Variants in TNXB observed in about 807,000 individuals in gnomAD.
TNXB encodes the protein tenascin XB.
TNXB carries 183 observed loss-of-function variants against 340.5 expected under a neutral mutation model. That is an observed-to-expected ratio of 0.54 (90% CI 0.48 to 0.61). TNXB has a LOEUF of 0.61. Among genes scored for constraint, TNXB ranks in the 20% least tolerant of loss-of-function variants. The pLI, the probability that TNXB is intolerant of heterozygous loss-of-function variation, is 0.00. For synonymous variants in TNXB, 2,121 were observed against 2,314.5 expected (o/e 0.92, Z 2.40); for missense variants, 4,613 against 5,446.4 (o/e 0.85, Z 4.82).
chr6:32,072,130 T>G lies in TNXB; in HGVS notation c.4850A>C (p.Gln1617Pro). The G allele has an allele frequency of 1.2e-6, 2 of 1,613,280 alleles. No homozygotes were observed. The highest frequency in any genetic ancestry group is 8.5e-7 in the Non-Finnish European group (1 of 1,179,590). Residue 1617 changes from glutamine (Q) to proline (P), a missense_variant, in exon 13 of 44, where the codon CAG (glutamine) becomes CCG (proline). Transcript: ENST00000644971. This position sits in a 1 kb window ranked among gnomAD's most constrained non-coding sequence, Gnocchi z 4.4. The part of the protein sequence containing the change: ...FVVQYKDRDG[Q>P]PQVVPVAADQ... Reference sequence around the variant, plus strand: ...TGCAGCCACGGGCACCACCTGGGGCTGCCCGTCCCTGTCCTTGTACTGAAC... The same window carrying G: ...TGCAGCCACGGGCACCACCTGGGGCGGCCCGTCCCTGTCCTTGTACTGAAC...
rs1264437335 is a variant in TNXB, at chr6:32,075,879, C to T, written c.4376-1927G>A. ...GCTGGATGGGTGGGGCTCCCAAGAACTTGTTTCTCTGGCTTCCTCCGGAGG... is the reference window on the plus strand; with the variant it reads ...GCTGGATGGGTGGGGCTCCCAAGAATTTGTTTCTCTGGCTTCCTCCGGAGG... On this transcript the variant is annotated intron_variant, in intron 11 of 43. Transcript: ENST00000644971. The surrounding 1 kb of genome is among the most constrained non-coding windows in gnomAD (Gnocchi z 4.6). Among the ~76,000 whole-genome samples, 1 of 152,196 alleles carries T rather than the reference C, an allele frequency of 6.6e-6. No individual in the cohort carries two copies. The highest frequency in any genetic ancestry group is 1.5e-5 in the Non-Finnish European group (1 of 68,030).
In TNXB at chr6:32,051,458, A is replaced by C. The variant is rs74290528; in HGVS notation, c.9116-1137T>G. 0.013 allele frequency among the ~76,000 whole-genome samples: 2,004 copies of C among 152,350 alleles called. 136 individuals are homozygous for C. The East Asian group carries it at 0.21, about 16-fold the overall frequency. On this transcript the variant is annotated intron_variant, in intron 26 of 43. Transcript: ENST00000644971. The surrounding 1 kb of genome is among the most constrained non-coding windows in gnomAD (Gnocchi z 4.7). ...CTGTTACTGGGAGGAGCTTTGCTAC[A>C]AAGGTGTTCTGTGATTTGCACACAA...
intron 6 of TNXB, among the ~76,000 whole-genome samples, chr6:32,088,067 C>A (rs1462455100): frequency 6.6e-6 from 1 of 152,206 alleles, no homozygotes; most frequent in Non-Finnish European, 1.5e-5. Context: ...CAGCCCCTCC[C>A]TCGATCCCTC....
In TNXB at chr6:32,067,113, GAGAA is replaced by G. The variant is rs1554321172; in HGVS notation, c.6544+544_6544+547del. ...GAAAAGAATGAAAGAAAGAAAGAAA[GAGAA>G]AGAAAGAAAGGAAGGAAGAAAGAAA... On this transcript the variant is annotated intron_variant, in intron 18 of 43. Coordinates refer to ENST00000644971, the MANE Select transcript of TNXB (RefSeq NM_001365276.2). The surrounding 1 kb of genome is among the most constrained non-coding windows in gnomAD (Gnocchi z 4.2). Among the ~76,000 whole-genome samples, 12 of 92,938 alleles carry G rather than the reference GAGAA, an allele frequency of 1.3e-4. No individual in the cohort carries two copies. The highest frequency in any genetic ancestry group is 1.8e-4 in the Non-Finnish European group (8 of 43,478). The allele number at this position is 92,938 out of a possible 152,430, so 61.0% of individuals were successfully genotyped here. A position where few individuals can be genotyped will look rare whatever the true frequency, so the allele number is the denominator to read the frequency against.
rs775156527 is a variant in TNXB, at chr6:32,095,785, C to T, written c.2068G>A (p.Gly690Arg). 2.5e-6 allele frequency: 4 copies of T among 1,613,600 alleles called. No homozygotes were observed. The South Asian group carries it at 4.4e-5, about 18-fold the overall frequency. Residue 690 changes from glycine (G) to arginine (R), a missense_variant, in exon 3 of 44, where the codon GGA becomes AGA. Physicochemically the swap from Gly to Arg is moderately radical, Grantham distance 125. Transcript: ENST00000644971. ...QEEPPASACP[G>R]GCGPRELCRA... ...CACAGTTCCCGGGGCCCGCAGCCTC[C>T]AGGGCAGGCGCTGGCTGGAGGCTCT...
rs1219182460 is a variant in TNXB, at chr6:32,107,475, G to A, written c.-9+1706C>T. On this transcript the variant is annotated intron_variant, in intron 1 of 43. Transcript: ENST00000644971. ...CCTGGGATAATTCTGCTCTTCTCTCGGTACTGGGCAAGCAAAGAATTGGGT... is the reference window on the plus strand; with the variant it reads ...CCTGGGATAATTCTGCTCTTCTCTCAGTACTGGGCAAGCAAAGAATTGGGT... Among the ~76,000 whole-genome samples the A allele has an allele frequency of 5.3e-5, 8 of 152,150 alleles. No homozygotes were observed. In the East Asian group the frequency reaches 1.4e-3, roughly 26 times the overall value.
rs1229705591 is a variant in TNXB at position 32,108,329 on chromosome 6, C to A, written c.-9+852G>T. ...AGATAAGGGGCCCGCCCTTCCCACC[C>A]GGGGCGTGTCACGTGTACTGGTGGT... On this transcript the variant is annotated intron_variant, in intron 1 of 43. Transcript: ENST00000644971. This position sits in a 1 kb window ranked among gnomAD's most constrained non-coding sequence, Gnocchi z 4.8. Among the ~76,000 whole-genome samples, 1 of 152,118 alleles carries A rather than the reference C, an allele frequency of 6.6e-6. No homozygotes were observed. The highest frequency in any genetic ancestry group is 1.5e-5 in the Non-Finnish European group (1 of 68,018).
At chr6:32,106,255 T>G (rs370012864) in intron 1 of TNXB, among the ~76,000 whole-genome samples, 18 of 147,394 alleles carry the variant, frequency 1.2e-4, no homozygotes, top group African/African-American at 4.3e-4. Flanking sequence ...AGACAAGAGG[T>G]GGGAGGAAAG....
In TNXB at chr6:32,069,540, G is replaced by A. The variant is rs1319109909; in HGVS notation, c.5587+13C>T. ...GGAAGGAGGCACAGGTGTTCCAGCT[G>A]CCGCACACTCACCAGTAATGGCGAC... On this transcript the variant is annotated intron_variant, in intron 15 of 43. Transcript: ENST00000644971. This position sits in a 1 kb window ranked among gnomAD's most constrained non-coding sequence, Gnocchi z 6.2. 3 of 1,546,888 alleles carry A rather than the reference G, an allele frequency of 1.9e-6. No homozygotes were observed. Among genetic ancestry groups the A allele is most frequent in the East Asian group, 2.3e-5 (1 of 44,210 alleles).
rs749963039 is a variant in TNXB at position 32,056,210 on chromosome 6, C to G, written c.8144-36G>C. The G allele has an allele frequency of 2.5e-6, 4 of 1,593,544 alleles. No homozygotes were observed. The African/African-American group carries it at 5.4e-5, about 21-fold the overall frequency. The stretch of plus-strand genomic sequence containing the variant: ...GAGATATAGAGAGGATGCCAGGTGC[C>G]TGGGGGATGTGCTCAGGTCTTCAAG... On this transcript the variant is annotated intron_variant, in intron 23 of 43. Transcript: ENST00000644971.
intron 1 of TNXB, among the ~76,000 whole-genome samples, chr6:32,100,940 C>T (rs1327820208): frequency 4.0e-5 from 6 of 149,922 alleles, no homozygotes; most frequent in African/African-American, 1.2e-4. Flanking sequence ...ATTAGCTGGG[C>T]GTGGTAGCGG....
Position 32,056,277 on chromosome 6 carries a change from T to A in TNXB, c.8144-103A>T, listed in dbSNP as rs145598128. 4,255 of 1,389,268 alleles carry A rather than the reference T, an allele frequency of 3.1e-3. 39 individuals carry two copies. The highest frequency in any genetic ancestry group is 0.024 in the South Asian group (1,681 of 70,828). The allele number at this position is 1,389,268 out of a possible 1,614,324, so 86.1% of individuals were successfully genotyped here. On this transcript the variant is annotated intron_variant, in intron 23 of 43. Transcript: ENST00000644971. ...CATGGCCACTACTGGGTATGTGAGG[T>A]CATTTCAGAAAAGCCCATTCTTGGG...
rs774381322 is a variant in TNXB at position 32,081,503 on chromosome 6, G to A, written c.3907C>T (p.Gln1303Ter). Residue 1303 changes from glutamine to a stop codon, truncating the protein, a stop_gained, in exon 10 of 44, where the codon CAG becomes TAG. Transcript: ENST00000644971. LOFTEE classifies it high-confidence loss of function. This position sits in a 1 kb window ranked among gnomAD's most constrained non-coding sequence, Gnocchi z 5.1. ...TCATCCCCCGCAACAGGCACTGCCT[G>A]GGGCTGCCCCTGTGCATCCTTGTAC... ...VQYKDAQGQP[Q>*]AVPVAGDENE... is the part of the protein sequence containing the mutation. 1.0e-5 allele frequency: 16 copies of A among 1,607,334 alleles called. No individual in the cohort carries two copies. The highest frequency in any genetic ancestry group is 1.4e-5 in the Non-Finnish European group (16 of 1,176,958).
rs780087404 is a variant in TNXB, at chr6:32,072,272, CTG to C, written c.4706_4707del (p.Thr1569ArgfsTer22). ...GGCTCCAGGGGAGGCTTGGAGGCCTCTGTGGCTGGGGCTGGTGGGAGGGGAGC... is the reference window on the plus strand; with the variant it reads ...GGCTCCAGGGGAGGCTTGGAGGCCTCTGGCTGGGGCTGGTGGGAGGGGAGC... The part of the protein sequence containing the change: ...VTAPLPPAPA[T>X]EASKPPLEPR... On this transcript the variant is annotated frameshift_variant, in exon 13 of 44. Coordinates refer to ENST00000644971, the MANE Select transcript of TNXB (RefSeq NM_001365276.2). LOFTEE classifies it high-confidence loss of function. The surrounding 1 kb of genome is among the most constrained non-coding windows in gnomAD (Gnocchi z 4.4). 4.4e-5 allele frequency: 70 copies of C among 1,603,860 alleles called. No homozygotes were observed. Among genetic ancestry groups the C allele is most frequent in the Non-Finnish European group, 5.7e-5 (67 of 1,174,302 alleles).
Position 32,061,293 on chromosome 6 carries a change from C to G in TNXB, c.7492+104G>C. Reference sequence around the variant, plus strand: ...CAGGGCACAGAGGGAGGGCAGGACACAGGAGACAAGTCTGGACCCACAGGG... The same window carrying G: ...CAGGGCACAGAGGGAGGGCAGGACAGAGGAGACAAGTCTGGACCCACAGGG... On this transcript the variant is annotated intron_variant, in intron 21 of 43. Transcript: ENST00000644971. This position sits in a 1 kb window ranked among gnomAD's most constrained non-coding sequence, Gnocchi z 4.4. 1 of 1,498,226 alleles carries G rather than the reference C, an allele frequency of 6.7e-7. No homozygotes were observed. The highest frequency in any genetic ancestry group is 1.3e-5 in the South Asian group (1 of 78,656). The allele number at this position is 1,498,226 out of a possible 1,614,324, so 92.8% of individuals were successfully genotyped here. A position where few individuals can be genotyped will look rare whatever the true frequency, so the allele number is the denominator to read the frequency against.
In TNXB at chr6:32,069,622, A is replaced by T; in HGVS notation, c.5518T>A (p.Tyr1840Asn). 1 of 1,610,814 alleles carries T rather than the reference A, an allele frequency of 6.2e-7. No homozygotes were observed. The highest frequency in any genetic ancestry group is 8.5e-7 in the Non-Finnish European group (1 of 1,178,406). The change falls in exon 15 of 44, where the codon TAC becomes AAC. Residue 1840 changes from tyrosine to asparagine, a missense_variant. Around this residue, in one of 7 missense-constraint regions of TNXB, gnomAD observed 4,327 missense variants for 4,859.4 expected, o/e 0.89. Transcript: ENST00000644971. The surrounding 1 kb of genome is among the most constrained non-coding windows in gnomAD (Gnocchi z 6.2). ...TGCAGCCCGTAGAGCAGCAGCTTGT[A>T]CCTGTGGGCAGGGTCCAGGCCCGGC... ...SVPGLDPAHR[Y>N]KLLLYGLHHG...
Position 32,056,078 on chromosome 6 carries a change from G to A in TNXB, c.8240C>T (p.Ser2747Phe). 1.2e-6 allele frequency: 2 copies of A among 1,612,818 alleles called. No homozygotes were observed. The highest frequency in any genetic ancestry group is 1.7e-6 in the Non-Finnish European group (2 of 1,179,872). ...PLLGELTVTG[S>F]SPDSLSLSWT... The stretch of plus-strand genomic sequence containing the variant: ...GGAGAGGCTCAGCGAGTCAGGGGAG[G>A]ATCCTGTCACTGTCAGCTCCCCCAG... The change falls in exon 24 of 44, where the codon TCC becomes TTC. Residue 2747 changes from serine to phenylalanine, a missense_variant. Ser to Phe is a radical substitution (Grantham distance 155). This residue lies in a region of TNXB where 4,327 missense variants were observed against 4,859.4 expected (regional missense o/e 0.89). Coordinates refer to ENST00000644971, the MANE Select transcript of TNXB (RefSeq NM_001365276.2).
chr6:32,086,198 C>T (rs1779767136), intron 6 of TNXB, 80 bp from the exon 7 acceptor site: 3 of 1,409,220 alleles, frequency 2.1e-6, no homozygotes, highest in East Asian at 2.5e-5. Context: ...AGGTTCTGCC[C>T]TCCAGCCTCT....
At chr6:32,041,534 A>G (rs1348042110) in intron 43 of TNXB, 84 bp from the exon 44 acceptor site, 1 of 1,119,214 alleles carries the variant, frequency 8.9e-7, no homozygotes, top group Admixed American at 2.0e-5. Context: ...AGCTCCCAGC[A>G]CTCAACCAAC....
Sources: allele counts gnomAD v4.1 joint callset (sites outside exome capture counted in the v4.1 genomes callset), GRCh38; gene constraint gnomAD v4.1.1; regional missense constraint gnomAD v4.1.1; non-coding constraint Gnocchi (gnomAD v3.1); transcripts MANE v1.5; gene names NCBI Gene and HGNC (gene_info 2026-07-23, HGNC 2026-07-21).